DNAH7: variants seen among roughly 807,000 people sequenced by gnomAD.
The protein encoded by DNAH7 is dynein axonemal heavy chain 7, also known as axonemal beta dynein heavy chain 7.
In DNAH7, 397 loss-of-function variants were observed where a neutral mutation model predicts 444.6. That is an observed-to-expected ratio of 0.89 (90% CI 0.82 to 0.97). The LOEUF (loss-of-function observed/expected upper bound fraction) is 0.97. DNAH7 is among the 50% of genes least tolerant of loss of function. The pLI, the probability that DNAH7 is intolerant of heterozygous loss-of-function variation, is 0.00. For missense variants in DNAH7, 4,902 were observed against 4,800.8 expected, an observed-to-expected ratio of 1.02 and a Z score of -0.62; for synonymous variants, 1,636 against 1,624.4, an observed-to-expected ratio of 1.01 and a Z score of -0.17.
chr2:195,795,923 G>A (rs1696110346), intron 56 of DNAH7: 1 of 152,246 alleles, frequency 6.6e-6, no homozygotes, highest in African/African-American at 2.4e-5. Context: ...TTATTTAGAA[G>A]GGAGTTAGGA....
intron 8 of DNAH7, among the ~76,000 whole-genome samples, chr2:196,022,021 G>A (rs1695411922): frequency 6.6e-6 from 1 of 152,022 alleles, no homozygotes; most frequent in Admixed American, 6.5e-5. Flanking sequence ...CACTTACTCA[G>A]AAGGCTGAGG....
At position 196,019,273 on chromosome 2, in the gene DNAH7, A is replaced by T. The variant is rs1695221817; in HGVS notation, c.766T>A (p.Trp256Arg). 1.3e-6 allele frequency: 2 copies of T among 1,498,336 alleles called. No homozygotes were observed. The highest frequency in any genetic ancestry group is 4.7e-5 in the East Asian group (2 of 42,884). 92.8% of individuals were successfully genotyped at this position (1,498,336 alleles called of 1,614,324 possible). A position where few individuals can be genotyped will look rare whatever the true frequency, so the allele number is the denominator to read the frequency against. Residue 256 changes from tryptophan to arginine, a missense_variant, in exon 9 of 65, where the codon TGG (tryptophan) becomes AGG (arginine). Transcript: ENST00000312428. ...RAEMEILPKP[W>R]RKSFLAASSY... ...CTTGCAGCTAAAAAAGATTTCCTCC[A>T]AGGTTTTGGCAGAATTTCCATTCTG... is the stretch of plus-strand genomic sequence containing the variant.
At chr2:195,969,512 CT>C (rs760828948) in intron 17 of DNAH7, among the ~76,000 whole-genome samples, 1 of 152,046 alleles carries the variant, frequency 6.6e-6, no homozygotes. Context: ...AACAAAATTG[CT>C]TGGTGAGAGA....
At chr2:195,968,771 G>A (rs1291382132) in intron 17 of DNAH7, among the ~76,000 whole-genome samples, 1 of 152,194 alleles carries the variant, frequency 6.6e-6, no homozygotes, top group Non-Finnish European at 1.5e-5. Flanking sequence ...AGCCCACAGT[G>A]GCACGGCCTG....
At chr2:196,015,064 T>C (rs970948343) in intron 9 of DNAH7, among the ~76,000 whole-genome samples, 13 of 152,140 alleles carry the variant, frequency 8.5e-5, no homozygotes, top group African/African-American at 3.1e-4. Flanking sequence ...CTCGGGTGCG[T>C]CTGTACACTA....
chr2:195,817,572 C>T, intron 50 of DNAH7, 124 bp downstream of exon 50: 1 of 1,016,068 alleles, frequency 9.8e-7, no homozygotes, highest in Non-Finnish European at 1.4e-6. Flanking sequence ...CTTACATTTT[C>T]CTGTTATATT....
intron 22 of DNAH7, among the ~76,000 whole-genome samples, chr2:195,924,219 A>G (rs1688196266): frequency 6.6e-6 from 1 of 152,192 alleles, no homozygotes. Context: ...GGCTGTGGAT[A>G]TGCCAACTTG....
chr2:195,739,655 A>G (rs1479748894), intron 64 of DNAH7, among the ~76,000 whole-genome samples: 1 of 152,214 alleles, frequency 6.6e-6, no homozygotes, highest in Non-Finnish European at 1.5e-5. Context: ...GTGTGTGTGT[A>G]TGTATATACA....
chr2:196,015,063 G>A (rs1559336345), intron 9 of DNAH7, among the ~76,000 whole-genome samples: 4 of 152,074 alleles, frequency 2.6e-5, no homozygotes, highest in South Asian at 2.1e-4. Flanking sequence ...TCTCGGGTGC[G>A]TCTGTACACT....
chr2:195,999,055 G>C, intron 12 of DNAH7: 1 of 710,820 alleles, frequency 1.4e-6, no homozygotes, highest in Non-Finnish European at 2.6e-6. Context: ...GGGGCTGCCA[G>C]GAAACAAAGC....
intron 54 of DNAH7, among the ~76,000 whole-genome samples, chr2:195,804,252 T>C (rs1696607101): frequency 2.0e-5 from 3 of 152,230 alleles, no homozygotes; most frequent in Admixed American, 2.0e-4. Flanking sequence ...TCTACTACCA[T>C]TCTTCTTTGG....
intron 64 of DNAH7, among the ~76,000 whole-genome samples, chr2:195,738,787 AATTT>A (rs1692810325): frequency 6.6e-6 from 1 of 152,164 alleles, no homozygotes; most frequent in Non-Finnish European, 1.5e-5. Flanking sequence ...AATTTAATTC[AATTT>A]ATTTTTCTGG....
chr2:196,013,456 T>C (rs1694835636), intron 9 of DNAH7, among the ~76,000 whole-genome samples: 1 of 152,192 alleles, frequency 6.6e-6, no homozygotes, highest in Admixed American at 6.6e-5. Context: ...AGATCTTTGT[T>C]ATACACACGG....
intron 19 of DNAH7, among the ~76,000 whole-genome samples, chr2:195,955,869 T>C (rs756576916): frequency 1.4e-4 from 21 of 152,154 alleles, no homozygotes; most frequent in Non-Finnish European, 2.9e-4. Context: ...TTTTGCACTG[T>C]TGTAAGGAAA....
intron 27 of DNAH7, chr2:195,905,408 AC>A (rs1192808908): frequency 6.6e-6 from 1 of 152,178 alleles, no homozygotes; most frequent in East Asian, 1.9e-4. Context: ...AAATCCTAAA[AC>A]ATAAGACTTA....
At chr2:195,780,071 C>A (rs1369697574) in intron 58 of DNAH7, among the ~76,000 whole-genome samples, 1 of 152,080 alleles carries the variant, frequency 6.6e-6, no homozygotes, top group African/African-American at 2.4e-5. Context: ...TGATTTCTCA[C>A]ATTGCAATTT....
chr2:195,933,935 T>G (rs1036774751), intron 21 of DNAH7, among the ~76,000 whole-genome samples: 6 of 151,906 alleles, frequency 3.9e-5, no homozygotes, highest in Non-Finnish European at 8.8e-5. Context: ...ATTAATTAAT[T>G]AGTTATACTC....
chr2:196,001,875 A>C lies in DNAH7; in HGVS notation c.990-17T>G, dbSNP rs1559322910. ...GGAAACCACCTTGAAAGAACAAAAG[A>C]CTTTTAAAAGTCAGTGCTTTCAGTG... On this transcript the variant is annotated splice_polypyrimidine_tract_variant and intron_variant, in intron 10 of 64. Transcript: ENST00000312428. The C allele has an allele frequency of 3.2e-6, 5 of 1,586,244 alleles. No individual in the cohort carries two copies. In the Admixed American group the frequency reaches 9.2e-5, roughly 29 times the overall value.
chr2:195,743,170 T>C (rs1345599233), intron 63 of DNAH7, among the ~76,000 whole-genome samples: 1 of 152,360 alleles, frequency 6.6e-6, no homozygotes, highest in East Asian at 1.9e-4. Context: ...ACTCTAGTGG[T>C]TTGCCAGGGG....
Sources: allele counts gnomAD v4.1 joint callset (sites outside exome capture counted in the v4.1 genomes callset), GRCh38; gene constraint gnomAD v4.1.1; transcripts MANE v1.5; gene names NCBI Gene and HGNC (gene_info 2026-07-23, HGNC 2026-07-21).